The following STAU2 variants were observed in gnomAD, a reference collection of about 807,000 sequenced individuals.
STAU2 encodes staufen double-stranded RNA binding protein 2.
Under a neutral mutation model 65.9 loss-of-function variants are expected in STAU2, and 20 were observed. The observed-to-expected ratio is 0.30, with a 90% CI of 0.21 to 0.44. The LOEUF (loss-of-function observed/expected upper bound fraction) is 0.44. STAU2 is among the 20% of genes least tolerant of loss of function. The pLI, the probability that STAU2 is intolerant of heterozygous loss-of-function variation, is 1.00. For synonymous variants in STAU2, 232 were observed against 233.9 expected, an observed-to-expected ratio of 0.99 and a Z score of 0.07; for missense variants, 558 against 683.9, an observed-to-expected ratio of 0.82 and a Z score of 2.05.
At chr8:73,677,149 G>A (rs1317674655) in intron 5 of STAU2, among the ~76,000 whole-genome samples, 1 of 152,156 alleles carries the variant, frequency 6.6e-6, no homozygotes, top group Non-Finnish European at 1.5e-5. Context: ...TTTGTTATTA[G>A]AGAAATGCAA....
At position 73,621,310 on chromosome 8, in the gene STAU2, T is replaced by C. The variant is rs529497388; in HGVS notation, c.411-3859A>G. On this transcript the variant is annotated intron_variant, in intron 6 of 14. Coordinates refer to ENST00000524300, the MANE Select transcript of STAU2 (RefSeq NM_001164380.2). ...GGCATTTCCCCTGCTGGCATTCATT[T>C]CCTCTCCTGCTGTCCTGTGAAGAGG... 5.3e-4 allele frequency among the ~76,000 whole-genome samples: 80 copies of C among 152,268 alleles called. 1 individual carries two copies. The highest frequency in any genetic ancestry group is 6.5e-4 in the Non-Finnish European group (44 of 68,024).
In STAU2 at chr8:73,592,533, A is replaced by G. The variant is rs76483686; in HGVS notation, c.1161+2633T>C. The stretch of plus-strand genomic sequence containing the variant: ...TTTCCACAGAGAAAATTCTAAGCCC[A>G]AAAGCCTTCACTGGTAACTTCTACC... On this transcript the variant is annotated intron_variant, in intron 11 of 14. Transcript: ENST00000524300. 6.7e-3 allele frequency among the ~76,000 whole-genome samples: 1,027 copies of G among 152,232 alleles called. 20 individuals are homozygous for G. Among genetic ancestry groups the G allele is most frequent in the African/African-American group, 0.024 (979 of 41,554 alleles).
At chr8:73,572,438 T>TA (rs1809176125) in intron 12 of STAU2, among the ~76,000 whole-genome samples, 1 of 151,866 alleles carries the variant, frequency 6.6e-6, no homozygotes. Flanking sequence ...CTGGCAGAGA[T>TA]ACAACAAAAA....
At chr8:73,505,961 C>T (rs1822042064) in intron 13 of STAU2, among the ~76,000 whole-genome samples, 1 of 152,058 alleles carries the variant, frequency 6.6e-6, no homozygotes, top group Non-Finnish European at 1.5e-5. Context: ...CTCTTGTTCC[C>T]ATGCCCGCCA....
intron 12 of STAU2, among the ~76,000 whole-genome samples, chr8:73,565,317 C>A (rs1273327998): frequency 6.6e-6 from 1 of 151,642 alleles, no homozygotes; most frequent in Non-Finnish European, 1.5e-5. Flanking sequence ...CTCTCTCCTG[C>A]TGGCCATGTG....
chr8:73,698,002 C>T (rs1395179647), intron 4 of STAU2, among the ~76,000 whole-genome samples: 1 of 151,968 alleles, frequency 6.6e-6, no homozygotes, highest in Non-Finnish European at 1.5e-5. Flanking sequence ...ATCGCTTGAA[C>T]CTGGGAGGCA....
At chr8:73,683,868 A>G (rs1351634072) in intron 5 of STAU2, among the ~76,000 whole-genome samples, 1 of 152,184 alleles carries the variant, frequency 6.6e-6, no homozygotes, top group Non-Finnish European at 1.5e-5. Flanking sequence ...AATAGCTGCA[A>G]AAAAATGAAA....
chr8:73,424,899 C>T (rs191225656), intron 13 of STAU2, among the ~76,000 whole-genome samples: 14 of 151,968 alleles, frequency 9.2e-5, no homozygotes, highest in African/African-American at 2.4e-4. Flanking sequence ...CCGGGCATCC[C>T]GAAGCAGGGA....
chr8:73,482,231 A>C (rs1265470893), intron 13 of STAU2, among the ~76,000 whole-genome samples: 1 of 152,080 alleles, frequency 6.6e-6, no homozygotes, highest in Non-Finnish European at 1.5e-5. Context: ...GTGAGCTGGC[A>C]GATAAACTCC....
At chr8:73,528,141 T>C (rs753323873) in intron 13 of STAU2, among the ~76,000 whole-genome samples, 1 of 152,180 alleles carries the variant, frequency 6.6e-6, no homozygotes, top group Non-Finnish European at 1.5e-5. Context: ...TCAAAGTTCA[T>C]CTGATTCTAA....
intron 13 of STAU2, among the ~76,000 whole-genome samples, chr8:73,468,655 G>C (rs1276996790): frequency 6.6e-6 from 1 of 152,174 alleles, no homozygotes; most frequent in Non-Finnish European, 1.5e-5. Flanking sequence ...GATATGAACA[G>C]ACACTTCTCA....
intron 6 of STAU2, among the ~76,000 whole-genome samples, chr8:73,666,748 C>A (rs899312719): frequency 6.6e-6 from 1 of 152,034 alleles, no homozygotes; most frequent in African/African-American, 2.4e-5. Flanking sequence ...ATAAACAAAC[C>A]CTTTGGGGAA....
chr8:73,475,395 G>A (rs1820264628), intron 13 of STAU2, among the ~76,000 whole-genome samples: 2 of 152,142 alleles, frequency 1.3e-5, no homozygotes, highest in African/African-American at 4.8e-5. Flanking sequence ...ATGCAGCTGA[G>A]GCACAGAAGC....
At chr8:73,450,320 C>A (rs1255629460) in intron 13 of STAU2, among the ~76,000 whole-genome samples, 1 of 152,104 alleles carries the variant, frequency 6.6e-6, no homozygotes, top group Admixed American at 6.5e-5. Context: ...GAAAATTGCA[C>A]ACATTTTTAT....
At chr8:73,665,867 A>G (rs1817199772) in intron 6 of STAU2, among the ~76,000 whole-genome samples, 1 of 152,180 alleles carries the variant, frequency 6.6e-6, no homozygotes, top group Non-Finnish European at 1.5e-5. Flanking sequence ...TTTGCATATA[A>G]CCTATGCACA....
intron 6 of STAU2, among the ~76,000 whole-genome samples, chr8:73,622,275 C>T (rs1379972215): frequency 8.2e-6 from 1 of 121,488 alleles, no homozygotes; most frequent in African/African-American, 3.9e-5. Flanking sequence ...TACAGGCGCC[C>T]GCCACCTCGC....
intron 4 of STAU2, among the ~76,000 whole-genome samples, chr8:73,690,342 A>G (rs1288209299): frequency 2.0e-5 from 3 of 151,156 alleles, no homozygotes; most frequent in Non-Finnish European, 4.4e-5. Flanking sequence ...AAAAAAAAAA[A>G]AAAAGGAAAA....
chr8:73,483,640 TATTACA>T (rs1820758323), intron 13 of STAU2, among the ~76,000 whole-genome samples: 2 of 152,260 alleles, frequency 1.3e-5, no homozygotes, highest in South Asian at 4.1e-4. Context: ...TGTCAGCATA[TATTACA>T]ACATTACAAT....
intron 13 of STAU2, among the ~76,000 whole-genome samples, chr8:73,503,339 G>A (rs1263632651): frequency 1.3e-5 from 2 of 152,088 alleles, no homozygotes; most frequent in Non-Finnish European, 2.9e-5. Context: ...AAATCAATGA[G>A]GCTTAAAGTA....
Sources: gnomAD v4.1 joint callset for allele counts (sites outside exome capture counted in the v4.1 genomes callset) on GRCh38, gnomAD v4.1.1 for gene constraint, MANE v1.5 for transcripts, NCBI Gene and HGNC (gene_info 2026-07-23, HGNC 2026-07-21) for gene names.